The following ZNF592 variants were observed in gnomAD, a reference collection of about 807,000 sequenced individuals.
The protein encoded by ZNF592 is zinc finger protein 592, also known as spinocerebellar ataxia, autosomal recessive 5.
In ZNF592, 11 loss-of-function variants were observed where a neutral mutation model predicts 80.3. The ratio of observed to expected loss-of-function variants is 0.14; its 90% CI spans 0.09 to 0.23. The LOEUF is 0.23. Ranked by LOEUF, ZNF592 falls within the 10% of genes least tolerant of loss-of-function variation. The pLI is 1.00. For missense variants in ZNF592, 1,420 were observed against 1,633.9 expected, an observed-to-expected ratio of 0.87 and a Z score of 2.26; for synonymous variants, 646 against 640.3, an observed-to-expected ratio of 1.01 and a Z score of -0.13.
At chr15:84,792,119 A>G (rs977363271) in intron 5 of ZNF592, among the ~76,000 whole-genome samples, 3 of 152,120 alleles carry the variant, frequency 2.0e-5, no homozygotes, top group Non-Finnish European at 4.4e-5. Context: ...ATGATGGTCC[A>G]GATGAGATGC....
At chr15:84,790,553 G>A in intron 4 of ZNF592, 152 bp from the exon 5 acceptor site, 1 of 779,928 alleles carries the variant, frequency 1.3e-6, no homozygotes, top group Non-Finnish European at 2.2e-6. Context: ...ATGAGGTCTA[G>A]GGGTGTCAGA....
chr15:84,801,052 G>A (rs1172502382), intron 10 of ZNF592, among the ~76,000 whole-genome samples: 1 of 152,204 alleles, frequency 6.6e-6, no homozygotes, highest in African/African-American at 2.4e-5. Flanking sequence ...TGGGTGCGGT[G>A]GCTCATGCCT....
chr15:84,777,140 C>A (rs1487379352), intron 2 of ZNF592, among the ~76,000 whole-genome samples: 4 of 149,854 alleles, frequency 2.7e-5, no homozygotes, highest in Admixed American at 1.3e-4. Context: ...ATTTTTTTTC[C>A]TTTTTGTATA....
In ZNF592 at chr15:84,799,121, G is replaced by A; in HGVS notation, c.3048G>A (p.Arg1016=). The A allele has an allele frequency of 6.2e-7, 1 of 1,614,154 alleles. No individual in the cohort carries two copies. The change falls in exon 9 of 11, where the codon CGG becomes CGA. Residue 1016 remains arginine, a synonymous_variant. Transcript: ENST00000560079. This position sits in a 1 kb window ranked among gnomAD's most constrained non-coding sequence, Gnocchi z 4.2. ...HGRTLKRYPC[R]QCEQSFHTPN... ...AGACATTGAAGCGGTACCCATGCCG[G>A]CAGTGTGAACAGTCCTTCCACACCC...
chr15:84,754,815 T>G (rs1224663587), intron 1 of ZNF592, among the ~76,000 whole-genome samples: 2 of 152,160 alleles, frequency 1.3e-5, no homozygotes, highest in East Asian at 3.8e-4. Flanking sequence ...GTAGAACGAC[T>G]GCCACTGTGT....
Position 84,782,799 on chromosome 15 carries a change from A to C in ZNF592, c.124A>C (p.Lys42Gln). ...TPSEENESPL[K>Q]PPGICMDESV... ...CAGTGAGGAGAATGAGAGTCCCCTC[A>C]AACCTCCAGGCATATGTATGGATGA... Residue 42 changes from lysine (K) to glutamine (Q), a missense_variant, in exon 4 of 11, where the codon AAA becomes CAA. Physicochemically the swap from Lys to Gln is moderately conservative, Grantham distance 53 (BLOSUM62 1). Transcript: ENST00000560079. The C allele has an allele frequency of 2.5e-6, 4 of 1,614,150 alleles. No homozygotes were observed. The highest frequency in any genetic ancestry group is 3.4e-6 in the Non-Finnish European group (4 of 1,180,030).
At chr15:84,801,408 G>C (rs1042146463) in intron 10 of ZNF592, among the ~76,000 whole-genome samples, 4 of 152,234 alleles carry the variant, frequency 2.6e-5, no homozygotes, top group Non-Finnish European at 5.9e-5. Context: ...GCTGAGGTGG[G>C]AGGATCGCTT....
At chr15:84,771,939 C>T (rs1962093742) in intron 2 of ZNF592, among the ~76,000 whole-genome samples, 1 of 152,108 alleles carries the variant, frequency 6.6e-6, no homozygotes. Flanking sequence ...TCCCTAAGAT[C>T]TAGATTAATT....
chr15:84,796,986 C>G (rs2141521280), intron 5 of ZNF592, among the ~76,000 whole-genome samples: 1 of 152,292 alleles, frequency 6.6e-6, no homozygotes, highest in East Asian at 1.9e-4. Context: ...CCCCAAGAGA[C>G]AGGTTCTCAC....
intron 3 of ZNF592, among the ~76,000 whole-genome samples, chr15:84,778,765 G>A (rs558348720): frequency 6.2e-4 from 95 of 152,288 alleles, no homozygotes; most frequent in Non-Finnish European, 1.2e-3. Context: ...GAAAAGGGGC[G>A]TCAAATGGAG....
chr15:84,782,211 T>G (rs1962440112), intron 3 of ZNF592, among the ~76,000 whole-genome samples: 1 of 152,236 alleles, frequency 6.6e-6, no homozygotes. Context: ...AGTTAGTGAG[T>G]AATTACTAAG....
Position 84,802,266 on chromosome 15 carries a change from T to A in ZNF592, c.3677T>A (p.Leu1226Ter), listed in dbSNP as rs200443159. ...CTGGAAGAATGTGCCGGTGAGCCTT[T>A]GTCAGCTGACCCAGAGGCGAGGAGA... is the stretch of plus-strand genomic sequence containing the variant. ...NGLEECAGEP[L>*]SADPEARRLL... Residue 1226 changes from leucine to a stop codon, truncating the protein, a stop_gained, in exon 11 of 11, where the codon TTG becomes TAG. Coordinates refer to ENST00000560079, the MANE Select transcript of ZNF592 (RefSeq NM_014630.3). LOFTEE classifies it low-confidence loss of function (END_TRUNC). 14 of 1,609,302 alleles carry A rather than the reference T, an allele frequency of 8.7e-6. No individual in the cohort carries two copies. The highest frequency in any genetic ancestry group is 2.5e-6 in the Non-Finnish European group (3 of 1,176,596).
chr15:84,797,236 C>T (rs1962944501), intron 5 of ZNF592, among the ~76,000 whole-genome samples: 1 of 152,232 alleles, frequency 6.6e-6, no homozygotes, highest in South Asian at 2.1e-4. Context: ...GCTGGGATTA[C>T]AGGCGTGACC....
chr15:84,779,992 T>G (rs1467050556), intron 3 of ZNF592, among the ~76,000 whole-genome samples: 1 of 150,246 alleles, frequency 6.7e-6, no homozygotes, highest in Non-Finnish European at 1.5e-5. Context: ...CAGTTTTGTT[T>G]TTTTTTTTTT....
In ZNF592 at chr15:84,799,972, C is replaced by T. The variant is rs760779426; in HGVS notation, c.3268C>T (p.Pro1090Ser). Residue 1090 changes from proline to serine, a missense_variant, in exon 10 of 11, where the codon CCT (proline) becomes TCT (serine). This residue lies in a region of ZNF592 where 331 missense variants were observed against 347.0 expected (regional missense o/e 0.95). Transcript: ENST00000560079. This position sits in a 1 kb window ranked among gnomAD's most constrained non-coding sequence, Gnocchi z 4.2. ...AGTGAAACCTCCGGGTGGACATTCC[C>T]CTCAGGTGAGTGTGGGCTCCCTGCC... ...SKVKPPGGHS[P>S]QVNHLKRPVS... 1 of 1,614,172 alleles carries T rather than the reference C, an allele frequency of 6.2e-7. No individual in the cohort carries two copies. The highest frequency in any genetic ancestry group is 8.5e-7 in the Non-Finnish European group (1 of 1,180,020).
At position 84,764,752 on chromosome 15, in the gene ZNF592, T is replaced by C. The variant is rs920064952; in HGVS notation, c.-213T>C. ...CATGTGCCTAGGTAGAAGTTTTTCC[T>C]TTCTCCGCAGCTCTGCTCCCCTAGC... is the stretch of plus-strand genomic sequence containing the variant. On this transcript the variant is annotated 5_prime_UTR_variant, in exon 2 of 11. Coordinates refer to ENST00000560079, the MANE Select transcript of ZNF592 (RefSeq NM_014630.3). 1 of 399,034 alleles carries C rather than the reference T, an allele frequency of 2.5e-6. No individual in the cohort carries two copies. Among genetic ancestry groups the C allele is most frequent in the South Asian group, 1.3e-4 (1 of 7,856 alleles). The allele number at this position is 399,034 out of a possible 1,614,324, so 24.7% of individuals were successfully genotyped here. A position where few individuals can be genotyped will look rare whatever the true frequency, so the allele number is the denominator to read the frequency against.
intron 4 of ZNF592, among the ~76,000 whole-genome samples, chr15:84,790,362 G>A (rs1467817532): frequency 6.6e-6 from 1 of 152,100 alleles, no homozygotes; most frequent in Non-Finnish European, 1.5e-5. Context: ...AGTGCAGTGA[G>A]GTCTTAGAAT....
rs960403937 is a variant in ZNF592 at position 84,802,607 on chromosome 15, G to C, written c.*214G>C. On this transcript the variant is annotated 3_prime_UTR_variant, in exon 11 of 11. Transcript: ENST00000560079. ...CCCTCACAGCTCTGAATTTGCTTCT[G>C]TTATTTATGGCTTTTCGCTGCTTCT... 1 of 613,172 alleles carries C rather than the reference G, an allele frequency of 1.6e-6. No individual in the cohort carries two copies. Among genetic ancestry groups the C allele is most frequent in the African/African-American group, 1.8e-5 (1 of 54,098 alleles). 38.0% of individuals were successfully genotyped at this position (613,172 alleles called of 1,614,324 possible). A position where few individuals can be genotyped will look rare whatever the true frequency, so the allele number is the denominator to read the frequency against.
At chr15:84,771,923 T>C (rs1962093494) in intron 2 of ZNF592, among the ~76,000 whole-genome samples, 1 of 152,174 alleles carries the variant, frequency 6.6e-6, no homozygotes, top group Non-Finnish European at 1.5e-5. Context: ...AATTTTTATG[T>C]AGAAATCCCT....
Sources: gnomAD v4.1 joint callset for allele counts (sites outside exome capture counted in the v4.1 genomes callset) on GRCh38, gnomAD v4.1.1 for gene constraint, gnomAD v4.1.1 regional missense constraint, Gnocchi (gnomAD v3.1) non-coding constraint, MANE v1.5 for transcripts, NCBI Gene and HGNC (gene_info 2026-07-23, HGNC 2026-07-21) for gene names.